SOX6: variants seen among roughly 807,000 people sequenced by gnomAD.
SOX6 encodes transcription factor SOX-6.
Under a neutral mutation model 97.8 loss-of-function variants are expected in SOX6, and 11 were observed. The ratio of observed to expected loss-of-function variants is 0.11; its 90% CI spans 0.07 to 0.19. The LOEUF (loss-of-function observed/expected upper bound fraction) is 0.19, where lower values mean the gene tolerates loss of function less well. Ranked by LOEUF, SOX6 falls within the 10% of genes least tolerant of loss-of-function variation. The probability of loss-of-function intolerance (pLI) is 1.00; values close to 1 mark genes in which losing one functional copy is unlikely to be tolerated. For missense variants in SOX6, 810 were observed against 1,039.5 expected, an observed-to-expected ratio of 0.78 and a Z score of 3.04; for synonymous variants, 360 against 371.4, an observed-to-expected ratio of 0.97 and a Z score of 0.35.
At chr11:16,308,099 C>T (rs539458008) in intron 3 of SOX6, among the ~76,000 whole-genome samples, 7 of 152,228 alleles carry the variant, frequency 4.6e-5, no homozygotes, top group Admixed American at 3.3e-4. Flanking sequence ...TGGCTTTGTC[C>T]GTAAGTGCTT....
At chr11:16,258,583 A>AT (rs922997767) in intron 3 of SOX6, among the ~76,000 whole-genome samples, 50 of 151,986 alleles carry the variant, frequency 3.3e-4, no homozygotes, top group African/African-American at 1.2e-3. Flanking sequence ...AATACAGAGT[A>AT]TTTTTTTACG....
intron 1 of SOX6, among the ~76,000 whole-genome samples, chr11:16,428,601 GT>G (rs1345867356): frequency 2.0e-5 from 3 of 152,076 alleles, no homozygotes; most frequent in Non-Finnish European, 4.4e-5. Flanking sequence ...CCCATTTCTT[GT>G]TTTTGTCAGG....
rs897444739 is a variant in SOX6 at position 16,706,742 on chromosome 11, T to C, written n.429+8088A>G. On this transcript the variant is annotated intron_variant and non_coding_transcript_variant, in intron 3 of 5. Coordinates refer to the SOX6 transcript ENST00000524520. ...TTTTGGATTTGAGACCCTGTACATT[T>C]TCATTAAAATGACAAATTAGCCATT... Among the ~76,000 whole-genome samples the C allele has an allele frequency of 2.0e-5, 3 of 151,210 alleles. No individual in the cohort carries two copies. In the East Asian group the frequency reaches 5.8e-4, roughly 29 times the overall value.
rs1191681677 is a variant in SOX6 at position 16,318,616 on chromosome 11, A to T, written c.275T>A (p.Phe92Tyr). 6.2e-7 allele frequency: 1 copy of T among 1,613,478 alleles called. No individual in the cohort carries two copies. Among genetic ancestry groups the T allele is most frequent in the Non-Finnish European group, 8.5e-7 (1 of 1,179,664 alleles). The change falls in exon 3 of 16, where the codon TTC becomes TAC. Residue 92 changes from phenylalanine (F) to tyrosine (Y), a missense_variant. Around this residue, in one of 9 missense-constraint regions of SOX6, gnomAD observed 46 missense variants for 84.1 expected, o/e 0.55. Coordinates refer to ENST00000683767, the MANE Select transcript of SOX6 (RefSeq NM_001367873.1). ...ENNKLCSLYS[F>Y]RNTSTSPHKP... ...ATGTGGTGAGGTAGAGGTATTTCGGAAGGAATATAGGGAACATAACTTATT... is the reference window on the plus strand; with the variant it reads ...ATGTGGTGAGGTAGAGGTATTTCGGTAGGAATATAGGGAACATAACTTATT...
At chr11:15,982,050 A>C (rs1428125386) in intron 15 of SOX6, among the ~76,000 whole-genome samples, 1 of 151,950 alleles carries the variant, frequency 6.6e-6, no homozygotes, top group Admixed American at 6.6e-5. Flanking sequence ...GCCATGTATT[A>C]GTTCCTACAG....
intron 3 of SOX6, among the ~76,000 whole-genome samples, chr11:16,260,184 T>C (rs1178607429): frequency 1.3e-5 from 2 of 151,916 alleles, no homozygotes; most frequent in African/African-American, 4.8e-5. Flanking sequence ...TATTTTTTAG[T>C]AGAGACGGGG....
intron 1 of SOX6, among the ~76,000 whole-genome samples, chr11:16,404,144 G>A (rs1194588203): frequency 6.6e-6 from 1 of 151,854 alleles, no homozygotes; most frequent in African/African-American, 2.4e-5. Flanking sequence ...TACTTTTGCT[G>A]TTAGTGGGTA....
At chr11:16,343,130 G>C (rs965613979) in intron 1 of SOX6, among the ~76,000 whole-genome samples, 1 of 151,516 alleles carries the variant, frequency 6.6e-6, no homozygotes, top group Non-Finnish European at 1.5e-5. Context: ...TTGCTGTATG[G>C]CTTACTTTAC....
At chr11:16,395,384 A>G (rs964458152) in intron 1 of SOX6, among the ~76,000 whole-genome samples, 1 of 151,864 alleles carries the variant, frequency 6.6e-6, no homozygotes, top group African/African-American at 2.4e-5. Flanking sequence ...AAGAAATGAC[A>G]TTTAAACAGG....
chr11:16,387,766 T>C (rs964805040), intron 1 of SOX6, among the ~76,000 whole-genome samples: 19 of 152,160 alleles, frequency 1.2e-4, no homozygotes, highest in African/African-American at 4.6e-4. Context: ...TTAATTTTAA[T>C]TTGTAAAAGT....
At position 16,074,888 on chromosome 11, in the gene SOX6, C is replaced by T. The variant is rs538279459; in HGVS notation, c.1102-18987G>A. 8.8e-4 allele frequency among the ~76,000 whole-genome samples: 134 copies of T among 152,094 alleles called. 1 individual carries two copies. In the South Asian group the frequency reaches 0.014, roughly 16 times the overall value. On this transcript the variant is annotated intron_variant, in intron 9 of 15. Transcript: ENST00000683767. ...CATCTATTTTAAAATTCATATAGAACCAAAAAAGAGCTTGAATAGCCAAGG... is the reference window on the plus strand; with the variant it reads ...CATCTATTTTAAAATTCATATAGAATCAAAAAAGAGCTTGAATAGCCAAGG...
At chr11:16,728,415 T>G (rs1848323773) in intron 2 of SOX6, among the ~76,000 whole-genome samples, 1 of 152,186 alleles carries the variant, frequency 6.6e-6, no homozygotes, top group Admixed American at 6.5e-5. Context: ...CTGCATTCTC[T>G]GCCAGTGATA....
chr11:16,693,433 A>G (rs1848030863), intron 3 of SOX6, among the ~76,000 whole-genome samples: 1 of 152,040 alleles, frequency 6.6e-6, no homozygotes, highest in Non-Finnish European at 1.5e-5. Flanking sequence ...GATGTTTTCT[A>G]TCCAGTTTTT....
At chr11:16,405,873 A>C (rs1311169726) in intron 1 of SOX6, among the ~76,000 whole-genome samples, 2 of 151,838 alleles carry the variant, frequency 1.3e-5, no homozygotes, top group Non-Finnish European at 2.9e-5. Flanking sequence ...CCTTTTTCTA[A>C]ATGTTGTTTT....
intron 2 of SOX6, among the ~76,000 whole-genome samples, chr11:16,335,930 A>T (rs1856446860): frequency 6.6e-6 from 1 of 152,204 alleles, no homozygotes; most frequent in African/African-American, 2.4e-5. Context: ...CAATTACAAC[A>T]AAGGGCATTA....
intron 1 of SOX6, among the ~76,000 whole-genome samples, chr11:16,457,342 C>G (rs909114087): frequency 6.6e-6 from 1 of 152,040 alleles, no homozygotes; most frequent in Non-Finnish European, 1.5e-5. Flanking sequence ...ATGTGAACAT[C>G]AGTTACACTC....
intron 3 of SOX6, among the ~76,000 whole-genome samples, chr11:16,265,738 T>C (rs1250251997): frequency 6.6e-6 from 1 of 151,860 alleles, no homozygotes; most frequent in Non-Finnish European, 1.5e-5. Context: ...AATGGAGGTA[T>C]GAAACACATG....
intron 6 of SOX6, among the ~76,000 whole-genome samples, chr11:16,142,484 A>C (rs1365080073): frequency 6.6e-6 from 1 of 152,248 alleles, no homozygotes; most frequent in Non-Finnish European, 1.5e-5. Flanking sequence ...CACCAGCAAC[A>C]GAACAAAGCT....
At chr11:16,420,245 A>G (rs959987302) in intron 1 of SOX6, among the ~76,000 whole-genome samples, 3 of 152,256 alleles carry the variant, frequency 2.0e-5, no homozygotes, top group Middle Eastern at 3.4e-3. Context: ...TACAATTAAT[A>G]AGTTTTTTAA....
Sources: allele counts gnomAD v4.1 joint callset (sites outside exome capture counted in the v4.1 genomes callset), GRCh38; gene constraint gnomAD v4.1.1; regional missense constraint gnomAD v4.1.1; transcripts MANE v1.5; gene names NCBI Gene and HGNC (gene_info 2026-07-23, HGNC 2026-07-21).